The following MANBA variants were observed in gnomAD, a reference collection of about 807,000 sequenced individuals.
MANBA encodes mannosidase beta, also known as beta-mannosidase.
MANBA carries 83 observed loss-of-function variants against 111.1 expected under a neutral mutation model. The observed-to-expected ratio is 0.75, with a 90% CI of 0.63 to 0.90. The LOEUF (loss-of-function observed/expected upper bound fraction) is 0.90, where lower values mean the gene tolerates loss of function less well. MANBA is among the 40% of genes least tolerant of loss of function. The pLI, the probability that MANBA is intolerant of heterozygous loss-of-function variation, is 0.00. For missense variants in MANBA, 1,036 were observed against 1,069.0 expected (o/e 0.97, Z 0.43); for synonymous variants, 370 against 378.7 (o/e 0.98, Z 0.27).
rs142480129 is a variant in MANBA, at chr4:102,652,272, G to A, written c.1705-1571C>T. Among the ~76,000 whole-genome samples the A allele has an allele frequency of 5.1e-3, 775 of 152,196 alleles. 10 individuals carry two copies. The highest frequency in any genetic ancestry group is 4.9e-3 in the Non-Finnish European group (335 of 68,028). ...TCCCTGGCAACCCTTCCACCCTCTAGTAATCATTATTCCACTCTACTTCTT... is the reference window on the plus strand; with the variant it reads ...TCCCTGGCAACCCTTCCACCCTCTAATAATCATTATTCCACTCTACTTCTT... On this transcript the variant is annotated intron_variant, in intron 12 of 16. Coordinates refer to ENST00000647097, the MANE Select transcript of MANBA (RefSeq NM_005908.4).
At chr4:102,655,299 GA>G (rs1730514750) in intron 12 of MANBA, among the ~76,000 whole-genome samples, 3 of 152,006 alleles carry the variant, frequency 2.0e-5, no homozygotes, top group African/African-American at 7.2e-5. Flanking sequence ...CTTTTCTGCA[GA>G]AATTGGCAAA....
chr4:102,676,133 A>C (rs950319120), intron 7 of MANBA, among the ~76,000 whole-genome samples: 6 of 152,210 alleles, frequency 3.9e-5, no homozygotes, highest in Non-Finnish European at 8.8e-5. Flanking sequence ...TAAGAAGTGA[A>C]ATTATGATGA....
intron 1 of MANBA, among the ~76,000 whole-genome samples, chr4:102,737,527 GACTGGAGTGC>G (rs1265901841): frequency 1.3e-5 from 2 of 151,882 alleles, no homozygotes; most frequent in Non-Finnish European, 2.9e-5. Flanking sequence ...CTGTCACCCA[GACTGGAGTGC>G]AGTGGCACGA....
chr4:102,758,669 C>T (rs191768969), intron 1 of MANBA, among the ~76,000 whole-genome samples: 4 of 151,700 alleles, frequency 2.6e-5, no homozygotes, highest in East Asian at 3.9e-4. Context: ...CAGCCTCCCT[C>T]GTAGCTAGGA....
chr4:102,727,850 T>C (rs1722869323), intron 1 of MANBA: 1 of 595,862 alleles, frequency 1.7e-6, no homozygotes, highest in Non-Finnish European at 3.1e-6. Flanking sequence ...AAGACTCAGG[T>C]CTCCTAAAGA....
At chr4:102,690,879 C>G (rs1204133066) in intron 5 of MANBA, 108 bp from the exon 6 acceptor site, 3 of 350,544 alleles carry the variant, frequency 8.6e-6, no homozygotes, top group Non-Finnish European at 1.4e-5. Context: ...CAGCTTCAAA[C>G]CCAGTATGTG....
intron 10 of MANBA, chr4:102,665,626 G>A (rs1339860112): frequency 6.6e-6 from 1 of 151,964 alleles, no homozygotes; most frequent in Non-Finnish European, 1.5e-5. Context: ...CCTACATAAA[G>A]ACAAAAGGAT....
Position 102,678,160 on chromosome 4 carries a change from A to G in MANBA, c.961-4090T>C, listed in dbSNP as rs557317297. Reference sequence around the variant, plus strand: ...TCCAGAATATTTTTCCTTTCTGTGCAAATGTTCTTATAAAAAGGCATCTCT... The same window carrying G: ...TCCAGAATATTTTTCCTTTCTGTGCGAATGTTCTTATAAAAAGGCATCTCT... On this transcript the variant is annotated intron_variant, in intron 7 of 16. Coordinates refer to ENST00000647097, the MANE Select transcript of MANBA (RefSeq NM_005908.4). 3.9e-5 allele frequency among the ~76,000 whole-genome samples: 6 copies of G among 152,278 alleles called. No homozygotes were observed. In the East Asian group the frequency reaches 1.2e-3, roughly 29 times the overall value.
At chr4:102,682,706 A>C (rs1008602844) in intron 7 of MANBA, 2 of 152,226 alleles carry the variant, frequency 1.3e-5, no homozygotes, top group African/African-American at 4.8e-5. Context: ...AACAAGAGAC[A>C]CACACAAGGA....
At chr4:102,714,342 AATCTCTGAAAAAC>A in intron 5 of MANBA, 83 bp downstream of exon 5, 2 of 1,232,456 alleles carry the variant, frequency 1.6e-6, no homozygotes, top group Non-Finnish European at 2.3e-6. Context: ...AAAAATTCTA[AATCTCTGAAAAAC>A]ATACCTCTGT....
rs1338825431 is a variant in MANBA at position 102,635,938 on chromosome 4, C to A, written c.2084G>T (p.Gly695Val). 5.0e-6 allele frequency: 8 copies of A among 1,611,920 alleles called. No individual in the cohort carries two copies. In the Admixed American group the frequency reaches 1.2e-4, roughly 24 times the overall value. Residue 695 changes from glycine (G) to valine (V), a missense_variant, in exon 15 of 17, where the codon GGC becomes GTC. Transcript: ENST00000647097. ...QNFFAPLLPV[G>V]FENENTFYIY... ...ATAGAACGTGTTTTCATTCTCAAAG[C>A]CTACTGGCAACAGTGGAGCAAAGAA...
rs145495210 is a variant in MANBA, at chr4:102,719,816, A to G, written c.549+3055T>C. Among the ~76,000 whole-genome samples the G allele has an allele frequency of 4.6e-5, 7 of 152,352 alleles. No individual in the cohort carries two copies. The East Asian group carries it at 1.4e-3, about 29-fold the overall frequency. On this transcript the variant is annotated intron_variant, in intron 4 of 16. Coordinates refer to ENST00000647097, the MANE Select transcript of MANBA (RefSeq NM_005908.4). ...CCCAAGACTCTTCACTTGGTCTCCA[A>G]CTCAGGTGTCTTCCCACTGGACCAT...
chr4:102,677,777 C>T (rs1025741010), intron 7 of MANBA, among the ~76,000 whole-genome samples: 2 of 152,078 alleles, frequency 1.3e-5, no homozygotes, highest in Admixed American at 6.5e-5. Flanking sequence ...CTAAACAAGA[C>T]GTTAAAGTGA....
intron 2 of MANBA, 133 bp from the exon 3 acceptor site, chr4:102,724,100 T>A: frequency 1.5e-6 from 1 of 648,124 alleles, no homozygotes; most frequent in Non-Finnish European, 2.7e-6. Context: ...CAGTTTCCAG[T>A]GACATTTTCA....
intron 5 of MANBA, among the ~76,000 whole-genome samples, chr4:102,711,146 A>G (rs1478960732): frequency 1.3e-5 from 2 of 152,206 alleles, no homozygotes; most frequent in Non-Finnish European, 2.9e-5. Context: ...AAGCTTCTTC[A>G]CAGCAAAGGA....
chr4:102,760,947 G>A lies in MANBA; in HGVS notation c.-53C>T, dbSNP rs1302921510. 1.3e-6 allele frequency: 2 copies of A among 1,509,890 alleles called. No individual in the cohort carries two copies. 93.5% of individuals were successfully genotyped at this position (1,509,890 alleles called of 1,614,324 possible). ...GAGAGATCGAAAGGCAGCGCTGCAA[G>A]GGACCGGCGGTGAAGCCACTCACCC... On this transcript the variant is annotated 5_prime_UTR_variant, in exon 1 of 17. Transcript: ENST00000647097.
chr4:102,669,394 C>A (rs895180313), intron 9 of MANBA, among the ~76,000 whole-genome samples: 3 of 152,186 alleles, frequency 2.0e-5, no homozygotes, highest in African/African-American at 7.2e-5. Flanking sequence ...CAATTTTCAC[C>A]AGGCATTTGG....
At chr4:102,697,336 C>T (rs1465167769) in intron 5 of MANBA, among the ~76,000 whole-genome samples, 1 of 151,566 alleles carries the variant, frequency 6.6e-6, no homozygotes, top group Non-Finnish European at 1.5e-5. Context: ...GCAAGACTGA[C>T]AAATCTTTAT....
At chr4:102,733,335 G>A (rs1236898459) in intron 1 of MANBA, among the ~76,000 whole-genome samples, 1 of 151,200 alleles carries the variant, frequency 6.6e-6, no homozygotes, top group Non-Finnish European at 1.5e-5. Context: ...CCTGAGTAAG[G>A]AAGTCCTCTC....
Sources: allele counts gnomAD v4.1 joint callset (sites outside exome capture counted in the v4.1 genomes callset), GRCh38; gene constraint gnomAD v4.1.1; transcripts MANE v1.5; gene names NCBI Gene and HGNC (gene_info 2026-07-23, HGNC 2026-07-21).